Variants in ARMC2 observed in about 807,000 individuals in gnomAD.
The protein encoded by ARMC2 is armadillo repeat containing 2, also known as armadillo repeat-containing protein 2.
ARMC2 carries 67 observed loss-of-function variants against 90.3 expected under a neutral mutation model. The ratio of observed to expected loss-of-function variants is 0.74; its 90% CI spans 0.61 to 0.91. The LOEUF is 0.91. Among genes scored for constraint, ARMC2 ranks in the 40% least tolerant of loss-of-function variants. ARMC2 has a pLI of 0.00. For missense variants in ARMC2, 920 were observed against 1,030.9 expected (o/e 0.89, Z 1.47); for synonymous variants, 393 against 393.0 (o/e 1.00, Z 0.00).
intron 10 of ARMC2, among the ~76,000 whole-genome samples, chr6:108,919,614 C>A (rs1447633843): frequency 6.6e-6 from 1 of 151,998 alleles, no homozygotes; most frequent in Non-Finnish European, 1.5e-5. Flanking sequence ...TTTTAATTTT[C>A]TTTTTGTTTT....
At chr6:108,901,098 A>ATTTTTTTTTTTT (rs1173637475) in intron 7 of ARMC2, among the ~76,000 whole-genome samples, 2 of 59,336 alleles carry the variant, frequency 3.4e-5, no homozygotes, top group East Asian at 8.9e-4. Flanking sequence ...GAAAGAAGGA[A>ATTTTTTTTTTTT]TTTTTTTTTT....
chr6:108,970,508 T>C (rs538836944), intron 17 of ARMC2, among the ~76,000 whole-genome samples: 18 of 146,288 alleles, frequency 1.2e-4, no homozygotes, highest in Admixed American at 1.2e-3. Context: ...TTTTTTTTTT[T>C]TTTTTTTGAG....
chr6:109,052,284 A>G, the ARMC2 span, among the ~76,000 whole-genome samples: 1 of 152,142 alleles, frequency 6.6e-6, no homozygotes, highest in African/African-American at 2.4e-5. Context: ...AATTCCAGAA[A>G]TATTTGAGAA....
At chr6:109,037,621 G>C in the ARMC2 span, among the ~76,000 whole-genome samples, 1 of 152,132 alleles carries the variant, frequency 6.6e-6, no homozygotes, top group Non-Finnish European at 1.5e-5. Flanking sequence ...TAATTCTATA[G>C]ATGAAGAAAT....
chr6:108,877,864 G>A (rs894610220), intron 5 of ARMC2, among the ~76,000 whole-genome samples: 4 of 152,182 alleles, frequency 2.6e-5, no homozygotes, highest in African/African-American at 9.7e-5. Flanking sequence ...AGACAAATCA[G>A]TTAGCACTTC....
chr6:108,957,300 GTT>G (rs1410209375), intron 13 of ARMC2, among the ~76,000 whole-genome samples: 1 of 152,194 alleles, frequency 6.6e-6, no homozygotes, highest in Admixed American at 6.5e-5. Context: ...TCCTGGGTGA[GTT>G]TCTAAGCCCT....
intron 17 of ARMC2, among the ~76,000 whole-genome samples, chr6:108,969,174 G>A (rs191716571): frequency 1.2e-4 from 19 of 152,308 alleles, no homozygotes; most frequent in African/African-American, 3.1e-4. Flanking sequence ...GGGGCCCCAC[G>A]TTCAAGTTGG....
rs1778333451 is a variant in ARMC2 at position 108,965,937 on chromosome 6, ACCACCTTGCCTGG to A, written c.2446+801_2446+813del. ...CAAAGTGCTGGGATTACTGGTGTGA[ACCACCTTGCCTGG>A]CCAGGATCATTTTTTACATTTAAAA... On this transcript the variant is annotated intron_variant, in intron 17 of 17. Transcript: ENST00000392644. Among the ~76,000 whole-genome samples the A allele has an allele frequency of 2.0e-5, 3 of 151,524 alleles. No individual in the cohort carries two copies. The East Asian group carries it at 5.8e-4, about 29-fold the overall frequency.
At chr6:108,987,655 TAAGG>T in the ARMC2 span, 1 of 1,261,612 alleles carries the variant, frequency 7.9e-7, no homozygotes. Flanking sequence ...CAACATCATA[TAAGG>T]AAGGGTTACA....
At chr6:108,855,281 C>T (rs539757838) in intron 2 of ARMC2, among the ~76,000 whole-genome samples, 1 of 143,658 alleles carries the variant, frequency 7.0e-6, no homozygotes, top group African/African-American at 2.6e-5. Context: ...TGGTGTCTTG[C>T]TCTGTTGCCC....
chr6:108,953,489 A>G, intron 13 of ARMC2, 138 bp downstream of exon 13: 1 of 836,922 alleles, frequency 1.2e-6, no homozygotes, highest in Non-Finnish European at 1.8e-6. Flanking sequence ...TGTATGAAGG[A>G]AATTCCCTCT....
At chr6:108,995,837 A>T in the ARMC2 span, among the ~76,000 whole-genome samples, 1 of 149,904 alleles carries the variant, frequency 6.7e-6, no homozygotes, top group African/African-American at 2.4e-5. Flanking sequence ...ATACAAAATT[A>T]ATGTTTCCCC....
intron 10 of ARMC2, among the ~76,000 whole-genome samples, chr6:108,924,508 G>A (rs1295785401): frequency 6.6e-6 from 1 of 151,230 alleles, no homozygotes; most frequent in Non-Finnish European, 1.5e-5. Context: ...AGAAAAAAAT[G>A]AGCAGGAGAT....
the ARMC2 span, chr6:109,000,545 T>C: frequency 1.2e-6 from 2 of 1,611,320 alleles, no homozygotes; most frequent in Non-Finnish European, 1.7e-6. Flanking sequence ...CTTTGTTAAG[T>C]TCTCCTAAAT....
intron 17 of ARMC2, among the ~76,000 whole-genome samples, chr6:108,968,393 C>A (rs1778524573): frequency 6.6e-6 from 1 of 152,202 alleles, no homozygotes; most frequent in Non-Finnish European, 1.5e-5. Context: ...GCACCTTGTG[C>A]AGGGGGACTG....
At chr6:108,945,841 G>A (rs113377041) in intron 12 of ARMC2, among the ~76,000 whole-genome samples, 1 of 152,174 alleles carries the variant, frequency 6.6e-6, no homozygotes, top group Non-Finnish European at 1.5e-5. Context: ...TCTCTTCCCC[G>A]CTATCCTCTT....
intron 5 of ARMC2, among the ~76,000 whole-genome samples, chr6:108,877,674 C>T (rs1046743946): frequency 6.6e-6 from 1 of 152,188 alleles, no homozygotes; most frequent in Non-Finnish European, 1.5e-5. Flanking sequence ...TATCTTGCTG[C>T]ATCCATCCTT....
chr6:108,974,782 T>A (rs968971243), downstream of ARMC2, among the ~76,000 whole-genome samples: 185 of 151,890 alleles, frequency 1.2e-3, 1 homozygote, highest in African/African-American at 4.0e-3. Context: ...TGAAGCCTAT[T>A]AGAATAAACC....
the ARMC2 span, among the ~76,000 whole-genome samples, chr6:108,983,669 G>A: frequency 1.3e-5 from 2 of 152,160 alleles, no homozygotes; most frequent in African/African-American, 4.8e-5. Context: ...TTTGAAATCA[G>A]GGAGTGTGAG....
Sources: gnomAD v4.1 joint callset for allele counts (sites outside exome capture counted in the v4.1 genomes callset) on GRCh38, gnomAD v4.1.1 for gene constraint, MANE v1.5 for transcripts, NCBI Gene and HGNC (gene_info 2026-07-23, HGNC 2026-07-21) for gene names.